The following EVC2 variants were observed in gnomAD, a reference collection of about 807,000 sequenced individuals.
The protein encoded by EVC2 is limbin.
Under a neutral mutation model 149.3 loss-of-function variants are expected in EVC2, and 148 were observed. The observed-to-expected ratio is 0.99, with a 90% confidence interval of 0.87 to 1.14. EVC2 has a LOEUF of 1.14. Ranked by LOEUF, EVC2 falls within the 50% of genes most tolerant of loss-of-function variation. The probability of loss-of-function intolerance (pLI) is 0.00; values close to 1 mark genes in which losing one functional copy is unlikely to be tolerated. For synonymous variants in EVC2, 776 were observed against 649.9 expected (o/e 1.19, Z -2.95); for missense variants, 1,854 against 1,627.3 (o/e 1.14, Z -2.40).
At chr4:5,561,904 C>G (rs1468297512), downstream of EVC2, among the ~76,000 whole-genome samples, 1 of 152,122 alleles carries the variant, frequency 6.6e-6, no homozygotes, top group African/African-American at 2.4e-5. Flanking sequence ...TGAGAGGACT[C>G]TCATCCTAAT....
intron 21 of EVC2, among the ~76,000 whole-genome samples, chr4:5,550,250 G>A (rs926200146): frequency 2.0e-5 from 3 of 152,182 alleles, no homozygotes; most frequent in African/African-American, 7.2e-5. Flanking sequence ...ACAGGAAAAT[G>A]TGGGAAAGTT....
intron 10 of EVC2, among the ~76,000 whole-genome samples, chr4:5,632,791 C>G (rs930290297): frequency 2.6e-5 from 4 of 152,106 alleles, no homozygotes; most frequent in South Asian, 2.1e-4. Context: ...CGGCCTCCCC[C>G]CAATTATCTC....
intron 3 of EVC2, among the ~76,000 whole-genome samples, chr4:5,693,864 C>G (rs139294578): frequency 6.6e-6 from 1 of 152,344 alleles, no homozygotes; most frequent in East Asian, 1.9e-4. Flanking sequence ...GTTTCTTAAT[C>G]TCTCTAATCC....
At chr4:5,655,812 T>G (rs1265995979) in intron 9 of EVC2, among the ~76,000 whole-genome samples, 1 of 150,832 alleles carries the variant, frequency 6.6e-6, no homozygotes, top group Non-Finnish European at 1.5e-5. Flanking sequence ...GGAGGACAGT[T>G]TCAAAATAGC....
At chr4:5,593,089 C>T (rs1712980775) in intron 16 of EVC2, among the ~76,000 whole-genome samples, 1 of 152,160 alleles carries the variant, frequency 6.6e-6, no homozygotes, top group Non-Finnish European at 1.5e-5. Flanking sequence ...TTGCTTCCCA[C>T]TTCTGCCATG....
rs1553850861 is a variant in EVC2, at chr4:5,686,095, T to TAG, written c.707-617_707-616insCT. 7.5e-5 allele frequency among the ~76,000 whole-genome samples: 1 copy of TAG among 13,256 alleles called. No homozygotes were observed. The highest frequency in any genetic ancestry group is 7.7e-4 in the Admixed American group (1 of 1,298). 8.7% of individuals were successfully genotyped at this position (13,256 alleles called of 152,430 possible). On this transcript the variant is annotated intron_variant, in intron 5 of 21. Transcript: ENST00000344408. This position sits in a 1 kb window ranked among gnomAD's most constrained non-coding sequence, Gnocchi z 5.4. Reference sequence around the variant, plus strand: ...AACATATATACACACACATATATATTACACACACACACACACACACACACA... The same window carrying TAG: ...AACATATATACACACACATATATATTAGACACACACACACACACACACACACA...
chr4:5,650,492 C>G (rs4619828), intron 9 of EVC2, among the ~76,000 whole-genome samples: 22,234 of 151,380 alleles, frequency 0.15, 1,696 homozygotes, highest in African/African-American at 0.19. Context: ...ATTCGTATCT[C>G]TGAGCCTAGT....
At chr4:5,579,394 T>C (rs927255131) in intron 17 of EVC2, among the ~76,000 whole-genome samples, 22 of 152,198 alleles carry the variant, frequency 1.4e-4, no homozygotes, top group East Asian at 5.8e-4. Flanking sequence ...GAGAGCTCCA[T>C]TGATGCTGGT....
intron 10 of EVC2, among the ~76,000 whole-genome samples, chr4:5,632,787 C>T (rs897530070): frequency 1.3e-5 from 2 of 152,028 alleles, no homozygotes; most frequent in Non-Finnish European, 2.9e-5. Context: ...CATACGGCCT[C>T]CCCCCAATTA....
At position 5,618,537 on chromosome 4, in the gene EVC2, C is replaced by T; in HGVS notation, c.2647G>A (p.Ala883Thr). The T allele has an allele frequency of 6.2e-7, 1 of 1,614,118 alleles. No homozygotes were observed. Among genetic ancestry groups the T allele is most frequent in the Middle Eastern group, 1.7e-4 (1 of 6,012 alleles). The change falls in exon 15 of 22, where the codon GCG becomes ACG. Residue 883 changes from alanine (A) to threonine (T), a missense_variant. Transcript: ENST00000344408. This position sits in a 1 kb window ranked among gnomAD's most constrained non-coding sequence, Gnocchi z 4.4. The part of the protein sequence containing the change: ...ARVLLQQFQT[A>T]WREAEFVKLD... Reference sequence around the variant, plus strand: ...TTCACGAACTCTGCTTCTCGCCACGCAGTCTGAAATTGCTGCAGCAGAACT... The same window carrying T: ...TTCACGAACTCTGCTTCTCGCCACGTAGTCTGAAATTGCTGCAGCAGAACT...
At chr4:5,705,560 TAAACTA>T (rs1722077645) in intron 1 of EVC2, among the ~76,000 whole-genome samples, 1 of 147,624 alleles carries the variant, frequency 6.8e-6, no homozygotes. Context: ...GAAAACTAAA[TAAACTA>T]AAACTGTTTT....
At chr4:5,593,872 C>T (rs918469147) in intron 16 of EVC2, among the ~76,000 whole-genome samples, 5 of 152,208 alleles carry the variant, frequency 3.3e-5, no homozygotes, top group African/African-American at 1.2e-4. Context: ...CACCCTAACA[C>T]TGCGCTTTTC....
chr4:5,675,724 C>A (rs1022219918), intron 7 of EVC2, among the ~76,000 whole-genome samples: 2 of 152,078 alleles, frequency 1.3e-5, no homozygotes, highest in African/African-American at 4.8e-5. Context: ...GTGGGTGGAT[C>A]ACCTGAGGTC....
chr4:5,672,119 C>G (rs1369536542), intron 7 of EVC2, among the ~76,000 whole-genome samples: 1 of 152,180 alleles, frequency 6.6e-6, no homozygotes, highest in African/African-American at 2.4e-5. Context: ...TGGGCTGAGG[C>G]TGGGGAGCCT....
chr4:5,594,864 A>G (rs1577133201), intron 16 of EVC2, among the ~76,000 whole-genome samples: 2 of 152,286 alleles, frequency 1.3e-5, no homozygotes, highest in East Asian at 3.9e-4. Flanking sequence ...CCAATAGAGA[A>G]GTGCTCAAAG....
rs1716922674 is a variant in EVC2 at position 5,636,928 on chromosome 4, G to A, written c.1470+3586C>T. Among the ~76,000 whole-genome samples, 1 of 152,160 alleles carries A rather than the reference G, an allele frequency of 6.6e-6. No individual in the cohort carries two copies. The highest frequency in any genetic ancestry group is 2.4e-5 in the African/African-American group (1 of 41,432). On this transcript the variant is annotated intron_variant, in intron 10 of 21. Transcript: ENST00000344408. This position sits in a 1 kb window ranked among gnomAD's most constrained non-coding sequence, Gnocchi z 4.6. ...AAGGAAACTAGTTCTATTAAATGCT[G>A]CAGCTCAGATACTATTTCTGGAAAC...
rs955701475 is a variant in EVC2 at position 5,687,857 on chromosome 4, G to A, written c.706+1300C>T. ...TTCCCTTTACCAGGCAGAGTGTCTG[G>A]GTGACATTGTCTCCTTGATTCTATC... is the stretch of plus-strand genomic sequence containing the variant. On this transcript the variant is annotated intron_variant, in intron 5 of 21. Transcript: ENST00000344408. 5.3e-5 allele frequency among the ~76,000 whole-genome samples: 8 copies of A among 152,086 alleles called. No individual in the cohort carries two copies. In the East Asian group the frequency reaches 1.5e-3, roughly 29 times the overall value.
chr4:5,573,623 G>A lies in EVC2; in HGVS notation c.3360+1062C>T, dbSNP rs79689100. Among the ~76,000 whole-genome samples, 1,202 of 152,320 alleles carry A rather than the reference G, an allele frequency of 7.9e-3. 15 individuals are homozygous for A. Among genetic ancestry groups the A allele is most frequent in the African/African-American group, 0.027 (1,103 of 41,574 alleles). ...ACCTTGATTTTTGCCTGGAGAAACC[G>A]ATGTTGGATTTCTGACCTCCAGAAC... is the stretch of plus-strand genomic sequence containing the variant. On this transcript the variant is annotated intron_variant, in intron 19 of 21. Transcript: ENST00000344408.
chr4:5,601,869 C>T (rs1714006796), intron 16 of EVC2, among the ~76,000 whole-genome samples: 1 of 152,098 alleles, frequency 6.6e-6, no homozygotes, highest in African/African-American at 2.4e-5. Flanking sequence ...AGGTCAGTTT[C>T]CAACTGGAGC....
Sources: allele counts gnomAD v4.1 joint callset (sites outside exome capture counted in the v4.1 genomes callset), GRCh38; gene constraint gnomAD v4.1.1; non-coding constraint Gnocchi (gnomAD v3.1); transcripts MANE v1.5; gene names NCBI Gene and HGNC (gene_info 2026-07-23, HGNC 2026-07-21).